Variants in ANO2 observed in about 807,000 individuals in gnomAD.
ANO2 encodes anoctamin 2.
ANO2 carries 101 observed loss-of-function variants against 124.2 expected under a neutral mutation model. That is an observed-to-expected ratio of 0.81 (90% CI 0.69 to 0.96). The LOEUF (loss-of-function observed/expected upper bound fraction) is 0.96. Among genes scored for constraint, ANO2 ranks in the 40% least tolerant of loss-of-function variants. The pLI, the probability that ANO2 is intolerant of heterozygous loss-of-function variation, is 0.00. For missense variants in ANO2, 1,293 were observed against 1,274.5 expected, an observed-to-expected ratio of 1.01 and a Z score of -0.22; for synonymous variants, 486 against 482.5, an observed-to-expected ratio of 1.01 and a Z score of -0.09.
intron 15 of ANO2, among the ~76,000 whole-genome samples, chr12:5,643,536 A>G (rs1471144334): frequency 6.6e-6 from 1 of 152,178 alleles, no homozygotes; most frequent in East Asian, 1.9e-4. Flanking sequence ...TTTGCTGCTC[A>G]TGTACACAAG....
rs1353051960 is a variant in ANO2, at chr12:5,732,997, T to A, written c.1435-367A>T. The A allele has an allele frequency of 7.0e-6, 8 of 1,141,872 alleles. No individual in the cohort carries two copies. The Admixed American group carries it at 9.4e-5, about 13-fold the overall frequency. 70.7% of individuals were successfully genotyped at this position (1,141,872 alleles called of 1,614,324 possible). A position where few individuals can be genotyped will look rare whatever the true frequency, so the allele number is the denominator to read the frequency against. ...AGAGGCAGAGGGATATCCCTGGTCATCCCACCAACTATCGTCAGACCTCAA... is the reference window on the plus strand; with the variant it reads ...AGAGGCAGAGGGATATCCCTGGTCAACCCACCAACTATCGTCAGACCTCAA... On this transcript the variant is annotated intron_variant, in intron 13 of 24. Coordinates refer to ENST00000682330, the MANE Select transcript of ANO2 (RefSeq NM_001364791.2).
chr12:5,807,575 G>A (rs147735996), intron 7 of ANO2, among the ~76,000 whole-genome samples: 107 of 152,246 alleles, frequency 7.0e-4, no homozygotes, highest in African/African-American at 2.4e-3. Flanking sequence ...ACAAAATTAT[G>A]TTTTAATATC....
At chr12:5,857,262 A>G (rs1286467510) in intron 3 of ANO2, among the ~76,000 whole-genome samples, 1 of 152,206 alleles carries the variant, frequency 6.6e-6, no homozygotes, top group Admixed American at 6.5e-5. Context: ...GGAGTGGAAG[A>G]GCTTGGAGCT....
intron 6 of ANO2, among the ~76,000 whole-genome samples, chr12:5,830,231 G>A (rs141292071): frequency 2.0e-5 from 3 of 152,110 alleles, no homozygotes; most frequent in South Asian, 4.2e-4. Flanking sequence ...AAGAGAAGAC[G>A]CTCCTCTTAA....
rs759054119 is a variant in ANO2, at chr12:5,853,993, A to C, written c.633+50T>G. 6.7e-6 allele frequency: 10 copies of C among 1,496,612 alleles called. No individual in the cohort carries two copies. In the South Asian group the frequency reaches 1.0e-4, roughly 15 times the overall value. The allele number at this position is 1,496,612 out of a possible 1,614,324, so 92.7% of individuals were successfully genotyped here. On this transcript the variant is annotated intron_variant, in intron 4 of 24. Coordinates refer to ENST00000682330, the MANE Select transcript of ANO2 (RefSeq NM_001364791.2). Reference sequence around the variant, plus strand: ...CTGGCCCTATTCCCAAATTATTTGCATCCATCCAGCCCTCAGGAGGCCCAG... The same window carrying C: ...CTGGCCCTATTCCCAAATTATTTGCCTCCATCCAGCCCTCAGGAGGCCCAG...
At chr12:5,677,229 G>C (rs1413814195) in intron 14 of ANO2, among the ~76,000 whole-genome samples, 1 of 151,976 alleles carries the variant, frequency 6.6e-6, no homozygotes, top group Non-Finnish European at 1.5e-5. Context: ...GGAAGGAGAA[G>C]GTAGCATGAA....
chr12:5,807,741 G>A (rs1450850272), intron 7 of ANO2, among the ~76,000 whole-genome samples: 1 of 152,168 alleles, frequency 6.6e-6, no homozygotes, highest in Admixed American at 6.5e-5. Context: ...CTATAAAAGT[G>A]TATGAGAGCA....
At chr12:5,933,003 T>C (rs1942490512) in intron 1 of ANO2, among the ~76,000 whole-genome samples, 1 of 152,176 alleles carries the variant, frequency 6.6e-6, no homozygotes, top group Admixed American at 6.5e-5. Flanking sequence ...CCTGGCTGGT[T>C]GAGATTATGG....
intron 2 of ANO2, 124 bp from the exon 3 acceptor site, chr12:5,921,490 GC>G: frequency 2.3e-6 from 2 of 854,536 alleles, no homozygotes; most frequent in East Asian, 2.7e-5. Context: ...AGGCCCAAAG[GC>G]CCCCAGTGCC....
At chr12:5,773,532 G>C (rs935880484) in intron 10 of ANO2, among the ~76,000 whole-genome samples, 3 of 152,136 alleles carry the variant, frequency 2.0e-5, no homozygotes, top group African/African-American at 7.2e-5. Context: ...TTGCCACATG[G>C]AAATACTCAG....
At chr12:5,794,912 CTCCAGT>C (rs1262079845) in intron 10 of ANO2, among the ~76,000 whole-genome samples, 1 of 152,242 alleles carries the variant, frequency 6.6e-6, no homozygotes, top group Non-Finnish European at 1.5e-5. Context: ...GTTTTTCTCT[CTCCAGT>C]TCCTCCTCTA....
At chr12:5,679,815 C>T (rs777657486) in intron 14 of ANO2, among the ~76,000 whole-genome samples, 10 of 152,120 alleles carry the variant, frequency 6.6e-5, no homozygotes, top group Non-Finnish European at 1.3e-4. Context: ...ATAAATCATT[C>T]TATTATAAAG....
At position 5,665,452 on chromosome 12, in the gene ANO2, C is replaced by T. The variant is rs1388720010; in HGVS notation, c.1546-17651G>A. On this transcript the variant is annotated intron_variant, in intron 14 of 24. Transcript: ENST00000682330. ...TGCCTCAGGGAGGAATCCATCTGTA[C>T]TTATTTCTCTAGATTCTTTTCCTCC... Among the ~76,000 whole-genome samples the T allele has an allele frequency of 2.6e-5, 4 of 152,214 alleles. No homozygotes were observed. The South Asian group carries it at 6.2e-4, about 24-fold the overall frequency.
At chr12:5,600,205 G>T (rs1943870427) in intron 19 of ANO2, among the ~76,000 whole-genome samples, 1 of 136,524 alleles carries the variant, frequency 7.3e-6, no homozygotes, top group South Asian at 2.4e-4. Flanking sequence ...AGGTCAAAAA[G>T]GTGGGGTCCT....
chr12:5,809,483 C>G (rs528669759), intron 7 of ANO2, among the ~76,000 whole-genome samples: 154 of 152,242 alleles, frequency 1.0e-3, no homozygotes, highest in African/African-American at 3.6e-3. Flanking sequence ...AAGACAGTCC[C>G]AAAACTCTGT....
At chr12:5,844,738 T>TC (rs1954625536) in intron 4 of ANO2, among the ~76,000 whole-genome samples, 1 of 152,154 alleles carries the variant, frequency 6.6e-6, no homozygotes, top group Admixed American at 6.5e-5. Flanking sequence ...AGGATGGAAT[T>TC]CCCCAGAGTA....
At position 5,831,588 on chromosome 12, in the gene ANO2, C is replaced by T. The variant is rs918962473; in HGVS notation, c.785+864G>A. On this transcript the variant is annotated intron_variant, in intron 5 of 24. Transcript: ENST00000682330. The stretch of plus-strand genomic sequence containing the variant: ...GATAGTTAGATCTGGCCCGCCACCA[C>T]GCAAGGGGACATGAGGACTCAATGA... Among the ~76,000 whole-genome samples, 6 of 152,098 alleles carry T rather than the reference C, an allele frequency of 3.9e-5. No individual in the cohort carries two copies. The East Asian group carries it at 7.7e-4, about 20-fold the overall frequency.
intron 10 of ANO2, among the ~76,000 whole-genome samples, chr12:5,790,573 G>C (rs983534539): frequency 6.6e-6 from 1 of 151,714 alleles, no homozygotes; most frequent in Non-Finnish European, 1.5e-5. Context: ...CATCTATGTC[G>C]TAAGTCTCAT....
chr12:5,612,529 T>C lies in ANO2; in HGVS notation c.2087+127A>G, dbSNP rs185830736. 2.5e-4 allele frequency: 195 copies of C among 770,340 alleles called. 1 individual carries two copies. In the Middle Eastern group the frequency reaches 2.9e-3, roughly 11 times the overall value. 47.7% of individuals were successfully genotyped at this position (770,340 alleles called of 1,614,324 possible). On this transcript the variant is annotated intron_variant, in intron 19 of 24. Coordinates refer to ENST00000682330, the MANE Select transcript of ANO2 (RefSeq NM_001364791.2). ...CCCCATGGGGAAAGTTATTGGCAAA[T>C]TGACAGAGAATTAAATCACCAAGCT...
Sources: gnomAD v4.1 joint callset for allele counts (sites outside exome capture counted in the v4.1 genomes callset) on GRCh38, gnomAD v4.1.1 for gene constraint, MANE v1.5 for transcripts, NCBI Gene and HGNC (gene_info 2026-07-23, HGNC 2026-07-21) for gene names.